CNNM1: variants seen among roughly 807,000 people sequenced by gnomAD.
CNNM1 encodes cyclin and CBS domain divalent metal cation transport mediator 1, also known as metal transporter CNNM1.
CNNM1 carries 44 observed loss-of-function variants against 78.8 expected under a neutral mutation model. The observed-to-expected ratio is 0.56, with a 90% CI of 0.44 to 0.72. CNNM1 has a LOEUF of 0.72. Ranked by LOEUF, CNNM1 falls within the 30% of genes least tolerant of loss-of-function variation. The pLI is 0.00. For missense variants in CNNM1, 1,101 were observed against 1,292.2 expected (o/e 0.85, Z 2.27); for synonymous variants, 584 against 581.5 (o/e 1.00, Z -0.06).
At chr10:99,357,703 C>T in intron 2 of CNNM1, 48 bp downstream of exon 2, 3 of 1,503,224 alleles carry the variant, frequency 2.0e-6, no homozygotes, top group Non-Finnish European at 2.7e-6. Flanking sequence ...TATTTTCCTC[C>T]AAGACTCTCA....
At chr10:99,373,381 C>G (rs1362742406) in intron 6 of CNNM1, among the ~76,000 whole-genome samples, 1 of 152,130 alleles carries the variant, frequency 6.6e-6, no homozygotes, top group African/African-American at 2.4e-5. Context: ...CAAAACCCAC[C>G]AGATCAAGGT....
At chr10:99,357,188 A>G (rs1421367066) in intron 1 of CNNM1, among the ~76,000 whole-genome samples, 6 of 152,232 alleles carry the variant, frequency 3.9e-5, no homozygotes, top group African/African-American at 1.4e-4. Context: ...TTCTGACTCT[A>G]AATTCTTGCT....
chr10:99,372,797 T>C (rs2031844930), intron 6 of CNNM1, among the ~76,000 whole-genome samples: 1 of 152,190 alleles, frequency 6.6e-6, no homozygotes, highest in South Asian at 2.1e-4. Context: ...ACATTGATCT[T>C]GCGCAATACT....
intron 7 of CNNM1, among the ~76,000 whole-genome samples, chr10:99,378,321 G>T (rs756205298): frequency 3.9e-5 from 6 of 152,182 alleles, no homozygotes; most frequent in Non-Finnish European, 7.3e-5. Context: ...TCTAGCTAGA[G>T]CCCCATTTAT....
At chr10:99,344,303 G>A (rs2030588310) in intron 1 of CNNM1, among the ~76,000 whole-genome samples, 1 of 139,636 alleles carries the variant, frequency 7.2e-6, no homozygotes, top group Non-Finnish European at 1.5e-5. Flanking sequence ...TTGCACTTCA[G>A]CCTAGGCAAC....
intron 7 of CNNM1, among the ~76,000 whole-genome samples, chr10:99,381,966 C>T (rs534627456): frequency 1.4e-4 from 22 of 152,158 alleles, no homozygotes; most frequent in Non-Finnish European, 2.1e-4. Context: ...TTAGGCCACT[C>T]ATTTATCTAC....
At chr10:99,336,034 G>A (rs1197345423) in intron 1 of CNNM1, among the ~76,000 whole-genome samples, 1 of 152,160 alleles carries the variant, frequency 6.6e-6, no homozygotes, top group Non-Finnish European at 1.5e-5. Flanking sequence ...TGAATTTTGT[G>A]GGAAGACAAA....
chr10:99,383,036 G>A (rs1003226845), intron 7 of CNNM1, among the ~76,000 whole-genome samples: 28 of 152,172 alleles, frequency 1.8e-4, no homozygotes, highest in Non-Finnish European at 3.8e-4. Context: ...TTGAAAAGTG[G>A]CTTGATTCCC....
Position 99,330,044 on chromosome 10 carries a change from G to GC in CNNM1, c.662dup (p.Ala222CysfsTer188). ...TGTACGGCCCAGGCGGGGACCTGCT[G>GC]CCCCCTGCGTGGCTGCGGGCGCTCG... On this transcript the variant is annotated frameshift_variant, in exon 1 of 11. Coordinates refer to ENST00000356713, the MANE Select transcript of CNNM1 (RefSeq NM_020348.3). LOFTEE classifies it high-confidence loss of function. The GC allele has an allele frequency of 1.3e-6, 2 of 1,504,218 alleles. No homozygotes were observed. The highest frequency in any genetic ancestry group is 2.2e-5 in the Admixed American group (1 of 45,644). The allele number at this position is 1,504,218 out of a possible 1,614,324, so 93.2% of individuals were successfully genotyped here.
At chr10:99,332,773 G>A (rs185666521) in intron 1 of CNNM1, among the ~76,000 whole-genome samples, 190 of 152,302 alleles carry the variant, frequency 1.2e-3, no homozygotes, top group Admixed American at 2.7e-3. Context: ...GGTATGATGA[G>A]AAGGGAGAGA....
At chr10:99,349,949 G>A (rs1328550098) in intron 1 of CNNM1, among the ~76,000 whole-genome samples, 1 of 152,056 alleles carries the variant, frequency 6.6e-6, no homozygotes, top group Non-Finnish European at 1.5e-5. Flanking sequence ...CAGTGAGCCA[G>A]GATCACACCA....
chr10:99,357,929 A>C (rs1379265307), intron 2 of CNNM1, among the ~76,000 whole-genome samples: 1 of 152,130 alleles, frequency 6.6e-6, no homozygotes, highest in Non-Finnish European at 1.5e-5. Flanking sequence ...TTTGGATAGA[A>C]ACGGGACTAC....
chr10:99,377,231 G>A lies in CNNM1; in HGVS notation c.2340+13G>A, dbSNP rs550841925. The A allele has an allele frequency of 2.5e-5, 40 of 1,612,672 alleles. No individual in the cohort carries two copies. In the South Asian group the frequency reaches 3.2e-4, roughly 13 times the overall value. On this transcript the variant is annotated intron_variant, in intron 7 of 10. Coordinates refer to ENST00000356713, the MANE Select transcript of CNNM1 (RefSeq NM_020348.3). ...GCAGTTTGTGAAGGTAACTCCCCCA[G>A]GAAGGTTATCCTCTCCCTCCCAGTG...
chr10:99,377,007 T>TCCCCA, intron 6 of CNNM1, 48 bp from the exon 7 acceptor site: 1 of 585,878 alleles, frequency 1.7e-6, no homozygotes, highest in African/African-American at 2.0e-5. Context: ...CCCTTCTTCC[T>TCCCCA]CCCCACCCAT....
At chr10:99,360,740 A>C in intron 2 of CNNM1, 95 bp from the exon 3 acceptor site, 2 of 1,473,132 alleles carry the variant, frequency 1.4e-6, no homozygotes, top group East Asian at 2.3e-5. Context: ...TTGACACTGC[A>C]GAAATGTTCT....
chr10:99,381,599 A>T (rs1421336943), intron 7 of CNNM1, among the ~76,000 whole-genome samples: 2 of 151,592 alleles, frequency 1.3e-5, no homozygotes, highest in Non-Finnish European at 2.9e-5. Flanking sequence ...AAAATTACCC[A>T]GTCATGGTGG....
Position 99,388,251 on chromosome 10 carries a change from A to G in CNNM1, c.2624A>G (p.His875Arg). The G allele has an allele frequency of 6.2e-7, 1 of 1,613,982 alleles. No homozygotes were observed. The highest frequency in any genetic ancestry group is 8.5e-7 in the Non-Finnish European group (1 of 1,179,902). ...TQEEMTDFEEHSTQQLTLSPA... is the reference protein window; with the variant it reads ...TQEEMTDFEERSTQQLTLSPA... ...GAAGAAATGACTGACTTCGAGGAGC[A>G]CAGCACACAGCAGCTCACGCTGTCT... Residue 875 changes from histidine (H) to arginine (R), a missense_variant, in exon 9 of 11, where the codon CAC becomes CGC. By Grantham distance (29) the His-to-Arg change is conservative (BLOSUM62 0). This residue lies in a region of CNNM1 where 348 missense variants were observed against 384.5 expected (regional missense o/e 0.90). Coordinates refer to ENST00000356713, the MANE Select transcript of CNNM1 (RefSeq NM_020348.3).
At chr10:99,346,905 C>T (rs552074686) in intron 1 of CNNM1, among the ~76,000 whole-genome samples, 3 of 152,270 alleles carry the variant, frequency 2.0e-5, no homozygotes, top group East Asian at 1.9e-4. Context: ...CCACTGCACT[C>T]GGCCTTATGT....
intron 1 of CNNM1, among the ~76,000 whole-genome samples, chr10:99,346,861 C>G (rs1589891186): frequency 6.6e-6 from 1 of 152,200 alleles, no homozygotes; most frequent in African/African-American, 2.4e-5. Context: ...CCTCCTGCCT[C>G]AGCCTCCCAA....
Sources: allele counts gnomAD v4.1 joint callset (sites outside exome capture counted in the v4.1 genomes callset), GRCh38; gene constraint gnomAD v4.1.1; regional missense constraint gnomAD v4.1.1; transcripts MANE v1.5; gene names NCBI Gene and HGNC (gene_info 2026-07-23, HGNC 2026-07-21).